ACER2: variants seen among roughly 807,000 people sequenced by gnomAD.
ACER2 encodes the protein alkaline ceramidase 2, also known as alkCDase 2.
A neutral mutation model predicts 34.7 loss-of-function variants in ACER2; 26 were observed. The ratio of observed to expected loss-of-function variants is 0.75; its 90% CI spans 0.55 to 1.04. The LOEUF is 1.04. Ranked by LOEUF, ACER2 falls within the 50% of genes least tolerant of loss-of-function variation. ACER2 has a pLI of 0.00. For synonymous variants in ACER2, 138 were observed against 132.1 expected (o/e 1.04, Z -0.31); for missense variants, 352 against 340.8 (o/e 1.03, Z -0.26).
At chr9:19,415,398 A>G (rs1830211926) in intron 1 of ACER2, among the ~76,000 whole-genome samples, 1 of 152,124 alleles carries the variant, frequency 6.6e-6, no homozygotes, top group Non-Finnish European at 1.5e-5. Flanking sequence ...GAGAGGCTGA[A>G]TCAGGAGAAT....
chr9:19,412,609 C>T (rs1303484027), intron 1 of ACER2, among the ~76,000 whole-genome samples: 7 of 148,624 alleles, frequency 4.7e-5, no homozygotes, highest in Non-Finnish European at 1.0e-4. Flanking sequence ...AAGCTGAGAT[C>T]GCGCCACTGC....
chr9:19,432,193 C>T (rs1410071463), intron 3 of ACER2, among the ~76,000 whole-genome samples: 6 of 152,080 alleles, frequency 3.9e-5, no homozygotes, highest in South Asian at 4.1e-4. Flanking sequence ...AAAAACTTGT[C>T]GATGTAAATT....
intron 3 of ACER2, among the ~76,000 whole-genome samples, chr9:19,426,120 G>T (rs993688976): frequency 5.9e-5 from 9 of 151,912 alleles, no homozygotes; most frequent in Non-Finnish European, 1.0e-4. Context: ...GCACAAAAAT[G>T]CCTGGGAGGT....
chr9:19,425,157 A>G (rs935746536), intron 3 of ACER2, among the ~76,000 whole-genome samples: 2 of 152,226 alleles, frequency 1.3e-5, no homozygotes, highest in African/African-American at 2.4e-5. Flanking sequence ...TGCTTATTCA[A>G]TACTCTTTGA....
At chr9:19,416,561 T>C (rs1372263243) in intron 1 of ACER2, among the ~76,000 whole-genome samples, 2 of 152,150 alleles carry the variant, frequency 1.3e-5, no homozygotes, top group African/African-American at 4.8e-5. Context: ...TTGAGACTCT[T>C]GTCGCCCAGG....
At chr9:19,447,320 A>G (rs1458522450) in intron 5 of ACER2, among the ~76,000 whole-genome samples, 1 of 152,204 alleles carries the variant, frequency 6.6e-6, no homozygotes, top group Non-Finnish European at 1.5e-5. Flanking sequence ...GATAGGCTAA[A>G]AATATACAAT....
At chr9:19,410,898 G>C (rs984283495) in intron 1 of ACER2, among the ~76,000 whole-genome samples, 1 of 152,166 alleles carries the variant, frequency 6.6e-6, no homozygotes, top group Non-Finnish European at 1.5e-5. Context: ...TGTAAATAAA[G>C]AATATAGTGA....
intron 3 of ACER2, among the ~76,000 whole-genome samples, chr9:19,431,389 G>A (rs1830748666): frequency 6.6e-6 from 1 of 152,192 alleles, no homozygotes; most frequent in Non-Finnish European, 1.5e-5. Flanking sequence ...GAATCACTCT[G>A]TTACCCTCTC....
At chr9:19,431,650 C>G (rs944773162) in intron 3 of ACER2, among the ~76,000 whole-genome samples, 2 of 152,130 alleles carry the variant, frequency 1.3e-5, no homozygotes, top group South Asian at 4.1e-4. Context: ...GAACAGCAGC[C>G]GAGGCCAGGA....
chr9:19,421,154 T>A (rs1306806924), intron 1 of ACER2, among the ~76,000 whole-genome samples: 2 of 152,188 alleles, frequency 1.3e-5, no homozygotes, highest in Non-Finnish European at 2.9e-5. Context: ...TATCTAAACC[T>A]GGAAAAGTAT....
chr9:19,411,210 G>C (rs575221348), intron 1 of ACER2, among the ~76,000 whole-genome samples: 8 of 152,296 alleles, frequency 5.3e-5, no homozygotes, highest in Admixed American at 4.6e-4. Flanking sequence ...GCATTGTCTG[G>C]CTGATGAGCC....
chr9:19,435,938 A>G (rs1413084876), intron 4 of ACER2, among the ~76,000 whole-genome samples: 1 of 151,972 alleles, frequency 6.6e-6, no homozygotes, highest in Non-Finnish European at 1.5e-5. Context: ...AGTCCCAGCT[A>G]CTTGGGAGGC....
intron 1 of ACER2, among the ~76,000 whole-genome samples, chr9:19,422,167 G>T (rs1323770588): frequency 6.6e-6 from 1 of 151,470 alleles, no homozygotes; most frequent in Non-Finnish European, 1.5e-5. Flanking sequence ...CAGGCATGGT[G>T]GTGCATGCCT....
intron 4 of ACER2, among the ~76,000 whole-genome samples, chr9:19,444,379 T>C (rs1831275026): frequency 6.6e-6 from 1 of 151,802 alleles, no homozygotes; most frequent in African/African-American, 2.4e-5. Flanking sequence ...GCCCGACTAA[T>C]TTTTTTGTAT....
At chr9:19,423,560 G>A (rs1177293183) in intron 1 of ACER2, among the ~76,000 whole-genome samples, 1 of 152,170 alleles carries the variant, frequency 6.6e-6, no homozygotes, top group African/African-American at 2.4e-5. Context: ...GATGAGCCAG[G>A]TATGGTGGTG....
At chr9:19,433,244 T>G (rs1397458263) in intron 3 of ACER2, among the ~76,000 whole-genome samples, 2 of 142,310 alleles carry the variant, frequency 1.4e-5, no homozygotes, top group African/African-American at 5.3e-5. Context: ...GGAGGGAAGG[T>G]CAGCAGATAA....
At chr9:19,426,550 A>G (rs1438829942) in intron 3 of ACER2, among the ~76,000 whole-genome samples, 1 of 152,134 alleles carries the variant, frequency 6.6e-6, no homozygotes. Flanking sequence ...AAGTCTGAGT[A>G]AGAAATTGAA....
At chr9:19,444,360 C>G (rs963807180) in intron 4 of ACER2, among the ~76,000 whole-genome samples, 1 of 151,658 alleles carries the variant, frequency 6.6e-6, no homozygotes, top group Non-Finnish European at 1.5e-5. Context: ...TACAGGCGCC[C>G]GCCACCACGC....
chr9:19,444,192 C>G (rs1186767229), intron 4 of ACER2, among the ~76,000 whole-genome samples: 1 of 142,398 alleles, frequency 7.0e-6, no homozygotes, highest in Non-Finnish European at 1.5e-5. Flanking sequence ...AAAAGAAAGT[C>G]GCAAAAAAAA....
Sources: allele counts gnomAD v4.1 joint callset (sites outside exome capture counted in the v4.1 genomes callset), GRCh38; gene constraint gnomAD v4.1.1; transcripts MANE v1.5; gene names NCBI Gene and HGNC (gene_info 2026-07-23, HGNC 2026-07-21).